The following ACVR1C variants were observed in gnomAD, a reference collection of about 807,000 sequenced individuals.
ACVR1C encodes activin receptor type-1C.
In ACVR1C, 23 loss-of-function variants were observed where a neutral mutation model predicts 57.9. The observed-to-expected ratio is 0.40, with a 90% CI of 0.29 to 0.56. The LOEUF is 0.56. Among genes scored for constraint, ACVR1C ranks in the 20% least tolerant of loss-of-function variants. The pLI is 0.50. For synonymous variants in ACVR1C, 214 were observed against 215.3 expected (o/e 0.99, Z 0.05); for missense variants, 480 against 607.9 (o/e 0.79, Z 2.21).
intron 1 of ACVR1C, among the ~76,000 whole-genome samples, chr2:157,591,090 C>T (rs577802447): frequency 5.3e-5 from 8 of 151,890 alleles, no homozygotes; most frequent in Non-Finnish European, 8.8e-5. Context: ...TGCAAACAAG[C>T]GAAACAATCA....
At position 157,593,532 on chromosome 2, in the gene ACVR1C, C is replaced by T. The variant is rs142629081; in HGVS notation, c.74-6115G>A. Among the ~76,000 whole-genome samples, 281 of 152,262 alleles carry T rather than the reference C, an allele frequency of 1.8e-3. 2 individuals are homozygous for T. The highest frequency in any genetic ancestry group is 3.0e-3 in the Non-Finnish European group (206 of 67,992). On this transcript the variant is annotated intron_variant, in intron 1 of 8. Transcript: ENST00000243349. ...ATTCAGAAAACTGTCTCAGATTTGA[C>T]CTGCTGAATATGTAATCTTTTCATC...
intron 4 of ACVR1C, among the ~76,000 whole-genome samples, chr2:157,547,867 G>A (rs1334486284): frequency 2.0e-5 from 3 of 151,448 alleles, no homozygotes; most frequent in Non-Finnish European, 4.4e-5. Context: ...CATTGCTTTT[G>A]GTGTTTTGGA....
In ACVR1C at chr2:157,615,331, A is replaced by C. The variant is rs868862977; in HGVS notation, c.73+13241T>G. ...GTAACAATAATACAAAAAAAAAAAAAAACACAAAAAGTAGCCAGGTGTGGT... is the reference window on the plus strand; with the variant it reads ...GTAACAATAATACAAAAAAAAAAAACAACACAAAAAGTAGCCAGGTGTGGT... On this transcript the variant is annotated intron_variant, in intron 1 of 8. Transcript: ENST00000243349. 4.8e-3 allele frequency among the ~76,000 whole-genome samples: 735 copies of C among 151,702 alleles called. 5 individuals are homozygous for C. Among genetic ancestry groups the C allele is most frequent in the African/African-American group, 0.017 (688 of 41,364 alleles).
At chr2:157,565,726 G>A (rs755798356) in intron 2 of ACVR1C, among the ~76,000 whole-genome samples, 15 of 152,062 alleles carry the variant, frequency 9.9e-5, no homozygotes, top group Non-Finnish European at 1.0e-4. Context: ...TTGCATAAAC[G>A]ATCTTCATCT....
intron 1 of ACVR1C, among the ~76,000 whole-genome samples, chr2:157,591,515 GA>G (rs1382893919): frequency 6.6e-6 from 1 of 151,942 alleles, no homozygotes. Context: ...TACAAAATAG[GA>G]AAACTCATTT....
At chr2:157,549,704 G>A (rs1687863495) in intron 4 of ACVR1C, among the ~76,000 whole-genome samples, 1 of 151,912 alleles carries the variant, frequency 6.6e-6, no homozygotes, top group African/African-American at 2.4e-5. Context: ...CGAAGAGACG[G>A]GCTGGGTGCG....
At chr2:157,612,599 C>T (rs111439585) in intron 1 of ACVR1C, among the ~76,000 whole-genome samples, 2 of 151,860 alleles carry the variant, frequency 1.3e-5, no homozygotes, top group African/African-American at 4.8e-5. Flanking sequence ...GAGTCCATGC[C>T]ACTGCTGGGG....
At chr2:157,579,189 G>A (rs1355233949) in intron 2 of ACVR1C, among the ~76,000 whole-genome samples, 1 of 152,082 alleles carries the variant, frequency 6.6e-6, no homozygotes, top group Non-Finnish European at 1.5e-5. Flanking sequence ...TTTTTGAGCT[G>A]TTACCTTTGC....
intron 1 of ACVR1C, among the ~76,000 whole-genome samples, chr2:157,595,805 C>T (rs1682087538): frequency 6.6e-6 from 1 of 152,190 alleles, no homozygotes; most frequent in African/African-American, 2.4e-5. Context: ...ATGGCCTTTG[C>T]TCTTCTTGTT....
intron 1 of ACVR1C, among the ~76,000 whole-genome samples, chr2:157,603,082 A>G (rs1682315588): frequency 6.6e-6 from 1 of 152,182 alleles, no homozygotes; most frequent in Admixed American, 6.5e-5. Flanking sequence ...CACCATAGCT[A>G]CAGCAAATCT....
chr2:157,588,848 C>CATATATATATATATATATATAT (rs71402394), intron 1 of ACVR1C, among the ~76,000 whole-genome samples: 64 of 89,056 alleles, frequency 7.2e-4, no homozygotes, highest in South Asian at 1.2e-3. Context: ...ACAAACACAC[C>CATATATATATATATATATATAT]ATATATATAT....
At chr2:157,553,161 A>G (rs1341646307) in intron 3 of ACVR1C, among the ~76,000 whole-genome samples, 1 of 152,212 alleles carries the variant, frequency 6.6e-6, no homozygotes, top group African/African-American at 2.4e-5. Context: ...AATTAAGAAA[A>G]GCAGAGGGAA....
intron 8 of ACVR1C, among the ~76,000 whole-genome samples, chr2:157,536,001 C>G (rs1687478431): frequency 6.6e-6 from 1 of 151,936 alleles, no homozygotes; most frequent in Non-Finnish European, 1.5e-5. Flanking sequence ...TCTAAATGCT[C>G]TAAAATAAAG....
intron 3 of ACVR1C, among the ~76,000 whole-genome samples, chr2:157,554,196 GA>G (rs1553481309): frequency 2.0e-4 from 4 of 19,632 alleles, no homozygotes; most frequent in South Asian, 1.9e-3. Context: ...AAAAAATAAA[GA>G]AGAGAGAAAG....
intron 2 of ACVR1C, among the ~76,000 whole-genome samples, chr2:157,576,449 C>G (rs184343152): frequency 6.6e-6 from 1 of 152,266 alleles, no homozygotes; most frequent in African/African-American, 2.4e-5. Context: ...TGGATTCCGC[C>G]TGCCTCAGCC....
chr2:157,618,421 C>T (rs1448493497), intron 1 of ACVR1C, among the ~76,000 whole-genome samples: 1 of 151,558 alleles, frequency 6.6e-6, no homozygotes, highest in Non-Finnish European at 1.5e-5. Context: ...AATAAGATGA[C>T]AGATTTATTA....
At position 157,556,080 on chromosome 2, in the gene ACVR1C, A is replaced by C. The variant is rs199758497; in HGVS notation, c.544+13T>G. ...GTTTTCTTATTTTAAAAAAATGGAC[A>C]ATGGTAACATACCAGAGCCAGATCC... is the stretch of plus-strand genomic sequence containing the variant. On this transcript the variant is annotated intron_variant, in intron 3 of 8. Coordinates refer to ENST00000243349, the MANE Select transcript of ACVR1C (RefSeq NM_145259.3). 6.2e-7 allele frequency: 1 copy of C among 1,602,326 alleles called. No individual in the cohort carries two copies. Among genetic ancestry groups the C allele is most frequent in the Non-Finnish European group, 8.5e-7 (1 of 1,175,228 alleles).
chr2:157,539,453 G>A (rs1401023486), intron 7 of ACVR1C, among the ~76,000 whole-genome samples: 2 of 152,140 alleles, frequency 1.3e-5, no homozygotes, highest in Non-Finnish European at 2.9e-5. Context: ...CTTAAAATAT[G>A]TAAGACATGC....
In ACVR1C at chr2:157,538,624, A is replaced by C; in HGVS notation, c.1305T>G (p.Val435=). The C allele has an allele frequency of 6.3e-7, 1 of 1,586,616 alleles. No homozygotes were observed. The highest frequency in any genetic ancestry group is 1.2e-5 in the South Asian group (1 of 85,106). Residue 435 remains valine, a synonymous_variant, in exon 8 of 9, where the codon GTT becomes GTG. Transcript: ENST00000243349. Reference sequence around the variant, plus strand: ...TACTTGGTCGAAACTTCTGGTCACAAACAACCTTTCTCATTTCCTCTATCG... The same window carrying C: ...TACTTGGTCGAAACTTCTGGTCACACACAACCTTTCTCATTTCCTCTATCG... The part of the protein sequence containing the change: ...DPSIEEMRKV[V]CDQKFRPSIP...
Sources: gnomAD v4.1 joint callset for allele counts (sites outside exome capture counted in the v4.1 genomes callset) on GRCh38, gnomAD v4.1.1 for gene constraint, MANE v1.5 for transcripts, NCBI Gene and HGNC (gene_info 2026-07-23, HGNC 2026-07-21) for gene names.